Variants in ERC1 observed in about 807,000 individuals in gnomAD.
The protein encoded by ERC1 is RAB6 interacting protein 2.
Under a neutral mutation model 132.0 loss-of-function variants are expected in ERC1, and 56 were observed. The observed-to-expected ratio is 0.42, with a 90% CI of 0.34 to 0.53. The LOEUF (loss-of-function observed/expected upper bound fraction) is 0.53, where lower values mean the gene tolerates loss of function less well. Ranked by LOEUF, ERC1 falls within the 20% of genes least tolerant of loss-of-function variation. The pLI, the probability that ERC1 is intolerant of heterozygous loss-of-function variation, is 0.03. For synonymous variants in ERC1, 478 were observed against 476.1 expected, an observed-to-expected ratio of 1.00 and a Z score of -0.05; for missense variants, 1,202 against 1,349.9, an observed-to-expected ratio of 0.89 and a Z score of 1.72.
intron 7 of ERC1, among the ~76,000 whole-genome samples, chr12:1,124,226 T>C (rs1947897735): frequency 6.6e-6 from 1 of 152,212 alleles, no homozygotes; most frequent in Non-Finnish European, 1.5e-5. Flanking sequence ...AACCATGTAC[T>C]GGGTCATAAA....
chr12:1,045,605 G>A (rs976721260), intron 2 of ERC1, among the ~76,000 whole-genome samples: 2 of 151,566 alleles, frequency 1.3e-5, no homozygotes, highest in Non-Finnish European at 2.9e-5. Flanking sequence ...TGAGGAAATT[G>A]AAAATTAAGA....
intron 17 of ERC1, among the ~76,000 whole-genome samples, chr12:1,426,336 C>G (rs184487311): frequency 6.6e-6 from 1 of 152,172 alleles, no homozygotes; most frequent in African/African-American, 2.4e-5. Context: ...AACTCCTGAC[C>G]TCAGGTGATC....
At chr12:1,131,587 G>T (rs1434411615) in intron 7 of ERC1, among the ~76,000 whole-genome samples, 2 of 151,762 alleles carry the variant, frequency 1.3e-5, no homozygotes, top group Non-Finnish European at 2.9e-5. Flanking sequence ...TTAGCCTCCC[G>T]AGTAGCTGGG....
chr12:1,117,548 TC>T (rs1360397108), intron 7 of ERC1, among the ~76,000 whole-genome samples: 1 of 152,232 alleles, frequency 6.6e-6, no homozygotes, highest in Non-Finnish European at 1.5e-5. Context: ...AGTTTGGACT[TC>T]CATCTTTACC....
In ERC1 at chr12:1,025,343, G is replaced by A. The variant is rs142307940; in HGVS notation, c.-156-2405G>A. ...CTGTTTCAAAATTGGCATTTCCCGT[G>A]TAGGAATTCTTTACATACTCTGTTT... is the stretch of plus-strand genomic sequence containing the variant. On this transcript the variant is annotated intron_variant, in intron 1 of 18. Coordinates refer to ENST00000360905, the MANE Select transcript of ERC1 (RefSeq NM_178040.4). Among the ~76,000 whole-genome samples the A allele has an allele frequency of 4.7e-3, 711 of 152,224 alleles. 1 individual carries two copies. Among genetic ancestry groups the A allele is most frequent in the Non-Finnish European group, 7.9e-3 (536 of 68,010 alleles).
chr12:1,322,657 T>C (rs911800916), intron 15 of ERC1, among the ~76,000 whole-genome samples: 1 of 152,176 alleles, frequency 6.6e-6, no homozygotes, highest in African/African-American at 2.4e-5. Context: ...CTGTTTCTTT[T>C]AGATTGACCT....
intron 2 of ERC1, among the ~76,000 whole-genome samples, chr12:1,030,838 A>G (rs1222740222): frequency 6.6e-6 from 1 of 152,200 alleles, no homozygotes; most frequent in Admixed American, 6.5e-5. Context: ...ACAGTATTCA[A>G]TACAGTAACA....
intron 18 of ERC1, among the ~76,000 whole-genome samples, chr12:1,445,959 C>T (rs1393136929): frequency 6.6e-6 from 1 of 152,104 alleles, no homozygotes; most frequent in Non-Finnish European, 1.5e-5. Context: ...GATCAGGGCC[C>T]CAGCATGGTT....
At chr12:1,242,272 CTTTAG>C (rs1338650291) in intron 13 of ERC1, among the ~76,000 whole-genome samples, 1 of 152,034 alleles carries the variant, frequency 6.6e-6, no homozygotes, top group Non-Finnish European at 1.5e-5. Flanking sequence ...ATTTGAGTGT[CTTTAG>C]TTTGTTAAAT....
At chr12:1,019,645 A>G (rs1037052644) in intron 1 of ERC1, among the ~76,000 whole-genome samples, 1 of 152,214 alleles carries the variant, frequency 6.6e-6, no homozygotes, top group Non-Finnish European at 1.5e-5. Flanking sequence ...ACCCATCTGG[A>G]GAATCATATT....
chr12:1,158,500 G>A (rs1010639621), intron 8 of ERC1, among the ~76,000 whole-genome samples: 3 of 151,588 alleles, frequency 2.0e-5, no homozygotes, highest in South Asian at 2.1e-4. Context: ...GCATGATCTC[G>A]GCTCACCGCA....
In ERC1 at chr12:1,098,543, G is replaced by A. The variant is rs550518106; in HGVS notation, c.1087-6207G>A. ...GAAATGAATATCAGGAGGAGAAAAA[G>A]GAGAGCTTTGGTGTTTGGCTTGAGC... is the stretch of plus-strand genomic sequence containing the variant. On this transcript the variant is annotated intron_variant, in intron 3 of 18. Transcript: ENST00000360905. 2.6e-5 allele frequency among the ~76,000 whole-genome samples: 4 copies of A among 152,232 alleles called. 1 individual carries two copies. In the South Asian group the frequency reaches 8.3e-4, roughly 32 times the overall value.
intron 11 of ERC1, among the ~76,000 whole-genome samples, chr12:1,188,933 T>C (rs1392952094): frequency 5.9e-5 from 9 of 152,236 alleles, no homozygotes; most frequent in Admixed American, 5.9e-4. Flanking sequence ...AGAAGACAGC[T>C]AGGGACTTGA....
At chr12:1,475,009 C>G (rs935447204) in intron 18 of ERC1, among the ~76,000 whole-genome samples, 3 of 152,156 alleles carry the variant, frequency 2.0e-5, no homozygotes, top group Non-Finnish European at 4.4e-5. Flanking sequence ...ACTCTGAGTT[C>G]AGGGAGGGCT....
chr12:1,123,560 C>T (rs1037041497), intron 7 of ERC1, among the ~76,000 whole-genome samples: 2 of 152,038 alleles, frequency 1.3e-5, no homozygotes, highest in Non-Finnish European at 2.9e-5. Context: ...GGAAAATAGG[C>T]CTTCCCAAAT....
intron 1 of ERC1, among the ~76,000 whole-genome samples, chr12:997,576 A>G (rs1027138986): frequency 1.3e-5 from 2 of 152,200 alleles, no homozygotes. Context: ...CATAGAGGAT[A>G]ATGGCAGCTG....
At chr12:1,052,268 T>C (rs942269072) in intron 2 of ERC1, among the ~76,000 whole-genome samples, 4 of 152,212 alleles carry the variant, frequency 2.6e-5, no homozygotes, top group African/African-American at 9.6e-5. Context: ...CTGAAAACTT[T>C]AGGACATTAG....
At chr12:1,251,291 G>A (rs149171302) in intron 13 of ERC1, among the ~76,000 whole-genome samples, 1 of 152,088 alleles carries the variant, frequency 6.6e-6, no homozygotes, top group African/African-American at 2.4e-5. Flanking sequence ...ATATATTAAT[G>A]TTCCTGTTTT....
Position 1,054,205 on chromosome 12 carries a change from A to G in ERC1, c.669+25633A>G, listed in dbSNP as rs190140103. Among the ~76,000 whole-genome samples, 30 of 152,342 alleles carry G rather than the reference A, an allele frequency of 2.0e-4. No individual in the cohort carries two copies. The East Asian group carries it at 4.8e-3, about 24-fold the overall frequency. The stretch of plus-strand genomic sequence containing the variant: ...TGTATTCAAAGTTTGTACTATCACA[A>G]TTCTGGATTCATGAGGATTTGCCAG... On this transcript the variant is annotated intron_variant, in intron 2 of 18. Transcript: ENST00000360905.
Sources: allele counts gnomAD v4.1 joint callset (sites outside exome capture counted in the v4.1 genomes callset), GRCh38; gene constraint gnomAD v4.1.1; transcripts MANE v1.5; gene names NCBI Gene and HGNC (gene_info 2026-07-23, HGNC 2026-07-21).